PCBD1: variants seen among roughly 807,000 people sequenced by gnomAD.
The protein encoded by PCBD1 is pterin-4 alpha-carbinolamine dehydratase 1.
A neutral mutation model predicts 12.6 loss-of-function variants in PCBD1; 16 were observed. That is an observed-to-expected ratio of 1.27 (90% CI 0.86 to 1.93). The LOEUF (loss-of-function observed/expected upper bound fraction) is 1.93. PCBD1 is among the 30% of genes most tolerant of loss of function. PCBD1 has a pLI of 0.00. For synonymous variants in PCBD1, 53 were observed against 50.2 expected, an observed-to-expected ratio of 1.05 and a Z score of -0.23; for missense variants, 86 against 130.1, an observed-to-expected ratio of 0.66 and a Z score of 1.65.
chr10:70,884,641 C>T (rs1008577295), intron 3 of PCBD1, among the ~76,000 whole-genome samples: 2 of 152,048 alleles, frequency 1.3e-5, no homozygotes, highest in Admixed American at 1.3e-4. Context: ...ACCACCGCGC[C>T]CGCCTAATTT....
Position 70,884,464 on chromosome 10 carries a change from G to A in PCBD1, c.217-416C>T, listed in dbSNP as rs185752890. Among the ~76,000 whole-genome samples the A allele has an allele frequency of 2.3e-3, 345 of 149,878 alleles. 1 individual carries two copies. Among genetic ancestry groups the A allele is most frequent in the African/African-American group, 8.2e-3 (332 of 40,682 alleles). Reference sequence around the variant, plus strand: ...CATTAAGCAAATAATTTGATAGGTTGGCTATGTGTCTGTATTTTTTTTTTT... The same window carrying A: ...CATTAAGCAAATAATTTGATAGGTTAGCTATGTGTCTGTATTTTTTTTTTT... On this transcript the variant is annotated intron_variant, in intron 3 of 3. Transcript: ENST00000299299.
chr10:70,888,564 A>G lies in PCBD1; in HGVS notation c.-31T>C. On this transcript the variant is annotated 5_prime_UTR_variant, in exon 1 of 4. Transcript: ENST00000299299. ...GGGCGGCAGCAGGTGGCCAGCGGAG[A>G]GGGCAGGCGGCGGCCGGGCGCGCAG... is the stretch of plus-strand genomic sequence containing the variant. 8.2e-7 allele frequency: 1 copy of G among 1,218,954 alleles called. No homozygotes were observed. Among genetic ancestry groups the G allele is most frequent in the Non-Finnish European group, 1.0e-6 (1 of 979,704 alleles). 75.5% of individuals were successfully genotyped at this position (1,218,954 alleles called of 1,614,324 possible).
chr10:70,885,349 A>G (rs951687324), intron 2 of PCBD1, 117 bp from the exon 3 acceptor site: 6 of 756,182 alleles, frequency 7.9e-6, no homozygotes, highest in Non-Finnish European at 1.4e-5. Context: ...AGACTCCTCT[A>G]TAATCATTTC....
chr10:70,888,495 G>T, intron 1 of PCBD1, 36 bp downstream of exon 1: 2 of 1,446,134 alleles, frequency 1.4e-6, no homozygotes, highest in South Asian at 1.4e-5. Flanking sequence ...CCCCGGCCCC[G>T]CTGCCCCGAT....
intron 2 of PCBD1, among the ~76,000 whole-genome samples, 194 bp downstream of exon 2, chr10:70,885,604 T>G (rs1462086761): frequency 1.3e-5 from 2 of 152,186 alleles, no homozygotes; most frequent in Non-Finnish European, 1.5e-5. Flanking sequence ...CTCCTATGGC[T>G]CTCCAATCCC....
At chr10:70,885,760 C>G in intron 2 of PCBD1, 38 bp downstream of exon 2, 1 of 1,612,666 alleles carries the variant, frequency 6.2e-7, no homozygotes, top group Non-Finnish European at 8.5e-7. Flanking sequence ...ACCCCATCAG[C>G]CCGTCTCAGA....
At position 70,885,890 on chromosome 10, in the gene PCBD1, G is replaced by A; in HGVS notation, c.43C>T (p.Gln15Ter). Residue 15 changes from glutamine (Q) to a stop codon, truncating the protein, a stop_gained, in exon 2 of 4, where the codon CAG becomes TAG. Coordinates refer to ENST00000299299, the MANE Select transcript of PCBD1 (RefSeq NM_000281.4). LOFTEE classifies it high-confidence loss of function. ...AHRLSAEERD[Q>*]LLPNLRAVGW... ...ACAGCCCTCAGGTTTGGCAGCAGCT[G>A]GTCCCTCTCCTCAGCGCTCAGCCTG... 3.1e-6 allele frequency: 5 copies of A among 1,614,036 alleles called. No individual in the cohort carries two copies. Among genetic ancestry groups the A allele is most frequent in the Non-Finnish European group, 4.2e-6 (5 of 1,179,982 alleles).
intron 1 of PCBD1, 125 bp from the exon 2 acceptor site, chr10:70,886,054 G>T: frequency 1.5e-6 from 2 of 1,295,944 alleles, no homozygotes; most frequent in Non-Finnish European, 1.1e-6. Context: ...CCAAAGGGCA[G>T]CAGGTCTTTG....
intron 1 of PCBD1, among the ~76,000 whole-genome samples, chr10:70,887,119 C>A (rs1274238334): frequency 6.6e-6 from 1 of 152,104 alleles, no homozygotes; most frequent in Non-Finnish European, 1.5e-5. Context: ...GGTGGCTGTA[C>A]CTCTCTTGGC....
Position 70,884,050 on chromosome 10 carries a change from T to A in PCBD1, c.217-2A>T. 6.2e-7 allele frequency: 1 copy of A among 1,613,630 alleles called. No individual in the cohort carries two copies. The highest frequency in any genetic ancestry group is 1.3e-5 in the African/African-American group (1 of 75,038). ...ATGGGTGCTCAGCGTGATGTGGACC[T>A]GAAATGAAACCAGAAATTCTGCTTC... is the stretch of plus-strand genomic sequence containing the variant. On this transcript the variant is annotated splice_acceptor_variant, in intron 3 of 3. Coordinates refer to ENST00000299299, the MANE Select transcript of PCBD1 (RefSeq NM_000281.4). LOFTEE classifies it high-confidence loss of function.
At chr10:70,882,533 C>T (rs1846515261), downstream of PCBD1, 1 of 152,240 alleles carries the variant, frequency 6.6e-6, no homozygotes, top group African/African-American at 2.4e-5. Context: ...AGGAAAAGAC[C>T]AATGTCCCAC....
chr10:70,885,266 C>A, intron 2 of PCBD1, 34 bp from the exon 3 acceptor site: 2 of 1,561,308 alleles, frequency 1.3e-6, no homozygotes, highest in South Asian at 1.1e-5. Context: ...GGTTAGTGTT[C>A]TAAGAGAAAG....
intron 3 of PCBD1, among the ~76,000 whole-genome samples, chr10:70,884,568 G>A (rs1470163277): frequency 7.5e-6 from 1 of 133,650 alleles, no homozygotes; most frequent in Non-Finnish European, 1.5e-5. Flanking sequence ...TGCAAGCTCC[G>A]CCTCCCGGGT....
chr10:70,882,392 G>A (rs151244889), downstream of PCBD1: 12 of 152,346 alleles, frequency 7.9e-5, no homozygotes, highest in East Asian at 2.3e-3. Flanking sequence ...TGTGATTATG[G>A]AGGCTGACAA....
downstream of PCBD1, among the ~76,000 whole-genome samples, chr10:70,882,690 C>G (rs189513178): frequency 2.0e-4 from 31 of 152,286 alleles, no homozygotes; most frequent in African/African-American, 7.0e-4. Context: ...TCTACTGATT[C>G]AAATGTTATC....
At chr10:70,884,610 T>C (rs1469401264) in intron 3 of PCBD1, among the ~76,000 whole-genome samples, 6 of 151,330 alleles carry the variant, frequency 4.0e-5, no homozygotes, top group Admixed American at 3.3e-4. Flanking sequence ...GCCTCCCCAG[T>C]AGCTGGGACT....
In PCBD1 at chr10:70,883,577, T is replaced by C. The variant is rs1846530609; in HGVS notation, c.*373A>G. Reference sequence around the variant, plus strand: ...TGTTTCTATTACATAGTGTGGGGTTTAGGGTCCTGGTTTCTAAGACAAGAC... The same window carrying C: ...TGTTTCTATTACATAGTGTGGGGTTCAGGGTCCTGGTTTCTAAGACAAGAC... On this transcript the variant is annotated 3_prime_UTR_variant, in exon 4 of 4. Transcript: ENST00000299299. 1 of 1,169,580 alleles carries C rather than the reference T, an allele frequency of 8.6e-7. No individual in the cohort carries two copies. The highest frequency in any genetic ancestry group is 1.1e-6 in the Non-Finnish European group (1 of 934,328). The allele number at this position is 1,169,580 out of a possible 1,614,324, so 72.5% of individuals were successfully genotyped here. A position where few individuals can be genotyped will look rare whatever the true frequency, so the allele number is the denominator to read the frequency against.
At chr10:70,884,112 C>T (rs1846544476) in intron 3 of PCBD1, 64 bp from the exon 4 acceptor site, 1 of 1,550,046 alleles carries the variant, frequency 6.5e-7, no homozygotes, top group South Asian at 1.2e-5. Flanking sequence ...GAGTCACTAG[C>T]TGCTGGGCTC....
At chr10:70,886,865 G>A (rs1457611130) in intron 1 of PCBD1, among the ~76,000 whole-genome samples, 1 of 152,210 alleles carries the variant, frequency 6.6e-6, no homozygotes, top group Non-Finnish European at 1.5e-5. Context: ...AGAAAGCAAG[G>A]AAGCAAGGGT....
Sources: allele counts gnomAD v4.1 joint callset (sites outside exome capture counted in the v4.1 genomes callset), GRCh38; gene constraint gnomAD v4.1.1; transcripts MANE v1.5; gene names NCBI Gene and HGNC (gene_info 2026-07-23, HGNC 2026-07-21).